The following EPHA6 variants were observed in gnomAD, a reference collection of about 807,000 sequenced individuals.
EPHA6 encodes ephrin type-A receptor 6.
EPHA6 carries 50 observed loss-of-function variants against 112.0 expected under a neutral mutation model. That is an observed-to-expected ratio of 0.45 (90% CI 0.36 to 0.56). The LOEUF is 0.56. Among genes scored for constraint, EPHA6 ranks in the 20% least tolerant of loss-of-function variants. The pLI is 0.00. For missense variants in EPHA6, 1,280 were observed against 1,417.4 expected, an observed-to-expected ratio of 0.90 and a Z score of 1.56; for synonymous variants, 529 against 490.7, an observed-to-expected ratio of 1.08 and a Z score of -1.03.
chr3:97,028,027 A>G (rs2044702561), intron 3 of EPHA6, among the ~76,000 whole-genome samples: 1 of 152,148 alleles, frequency 6.6e-6, no homozygotes, highest in African/African-American at 2.4e-5. Context: ...TGGCACTTTA[A>G]ACAACTTTGG....
At chr3:97,116,769 T>C (rs956891474) in intron 3 of EPHA6, among the ~76,000 whole-genome samples, 1 of 151,742 alleles carries the variant, frequency 6.6e-6, no homozygotes, top group Non-Finnish European at 1.5e-5. Context: ...ATATCTTGGA[T>C]ATTGTGAATA....
intron 5 of EPHA6, among the ~76,000 whole-genome samples, chr3:97,275,888 A>G (rs976687831): frequency 2.0e-5 from 3 of 152,012 alleles, no homozygotes; most frequent in African/African-American, 7.3e-5. Context: ...AAAGGTGGCA[A>G]TGAGGTGTGG....
intron 11 of EPHA6, among the ~76,000 whole-genome samples, chr3:97,535,724 A>C (rs1372064121): frequency 6.6e-6 from 1 of 152,178 alleles, no homozygotes; most frequent in Non-Finnish European, 1.5e-5. Flanking sequence ...TAGGCTTATA[A>C]GGGCATGTTT....
At chr3:97,251,093 C>T (rs1286976415) in intron 5 of EPHA6, among the ~76,000 whole-genome samples, 1 of 151,958 alleles carries the variant, frequency 6.6e-6, no homozygotes, top group Non-Finnish European at 1.5e-5. Flanking sequence ...ATCTTGAACT[C>T]CCGACCTCAT....
Position 97,748,567 on chromosome 3 carries a change from T to C in EPHA6, c.3279-20T>C. The C allele has an allele frequency of 7.8e-7, 1 of 1,287,624 alleles. No homozygotes were observed. The highest frequency in any genetic ancestry group is 1.5e-5 in the African/African-American group (1 of 68,698). The allele number at this position is 1,287,624 out of a possible 1,614,324, so 79.8% of individuals were successfully genotyped here. On this transcript the variant is annotated intron_variant, in intron 17 of 17. Transcript: ENST00000389672. ...TTGCTCTCACTCTCGCTCTCACTCT[T>C]GCTCTCTCCTTTCTTTCAGTGACAT...
intron 6 of EPHA6, 134 bp from the exon 7 acceptor site, chr3:97,448,434 C>A (rs1265848167): frequency 3.3e-6 from 3 of 904,916 alleles, no homozygotes; most frequent in Admixed American, 5.5e-5. Context: ...TTATGGAAAA[C>A]CATGCTAACA....
At chr3:97,262,271 T>C (rs2079528315) in intron 5 of EPHA6, among the ~76,000 whole-genome samples, 1 of 152,124 alleles carries the variant, frequency 6.6e-6, no homozygotes, top group Non-Finnish European at 1.5e-5. Flanking sequence ...TGAAGGAGGA[T>C]ATTGAAACTC....
At chr3:97,180,683 TC>T (rs758740111) in intron 3 of EPHA6, among the ~76,000 whole-genome samples, 38 of 152,042 alleles carry the variant, frequency 2.5e-4, no homozygotes, top group Non-Finnish European at 8.8e-5. Flanking sequence ...GACTCACAAC[TC>T]TGACTGATGC....
intron 5 of EPHA6, among the ~76,000 whole-genome samples, chr3:97,295,559 T>C (rs566835980): frequency 0.017 from 2,580 of 152,100 alleles, 66 homozygotes; most frequent in African/African-American, 0.056. Context: ...TTTGAATTTT[T>C]TTTTTTTTAC....
intron 3 of EPHA6, among the ~76,000 whole-genome samples, chr3:97,132,486 G>C (rs921148056): frequency 1.3e-5 from 2 of 151,966 alleles, no homozygotes; most frequent in Non-Finnish European, 2.9e-5. Context: ...TCCTGTGTTA[G>C]TAAAGTAGAT....
At chr3:97,516,095 G>A (rs1577639406) in intron 10 of EPHA6, among the ~76,000 whole-genome samples, 1 of 152,196 alleles carries the variant, frequency 6.6e-6, no homozygotes, top group East Asian at 1.9e-4. Flanking sequence ...GTGGTTACAA[G>A]GAACTTTTCT....
chr3:97,730,696 T>C (rs1276027592), intron 15 of EPHA6, among the ~76,000 whole-genome samples: 1 of 152,016 alleles, frequency 6.6e-6, no homozygotes, highest in Non-Finnish European at 1.5e-5. Context: ...ACAAAGAAAA[T>C]GTTTATGAAG....
At chr3:97,295,595 A>C (rs2080847643) in intron 5 of EPHA6, among the ~76,000 whole-genome samples, 1 of 149,514 alleles carries the variant, frequency 6.7e-6, no homozygotes, top group African/African-American at 2.5e-5. Context: ...TTTCATTGTA[A>C]TCCTTGTAAA....
intron 10 of EPHA6, among the ~76,000 whole-genome samples, chr3:97,506,825 T>C (rs979365086): frequency 1.3e-5 from 2 of 152,242 alleles, no homozygotes; most frequent in Admixed American, 6.5e-5. Flanking sequence ...TTCCATTTGT[T>C]TGTGTCCTCT....
chr3:97,468,251 G>GA (rs1422396925), intron 7 of EPHA6, among the ~76,000 whole-genome samples: 1 of 151,392 alleles, frequency 6.6e-6, no homozygotes, highest in African/African-American at 2.4e-5. Flanking sequence ...TACTTGAATG[G>GA]AAAAAAGAAA....
intron 11 of EPHA6, among the ~76,000 whole-genome samples, chr3:97,557,756 C>A (rs1577770216): frequency 6.6e-6 from 1 of 151,880 alleles, no homozygotes; most frequent in East Asian, 1.9e-4. Context: ...CATACCTTCA[C>A]ACAGGAGTTT....
At chr3:96,882,910 GAAT>G (rs2037410384) in intron 2 of EPHA6, among the ~76,000 whole-genome samples, 2 of 152,202 alleles carry the variant, frequency 1.3e-5, no homozygotes, top group South Asian at 4.1e-4. Context: ...TATGTTTTTT[GAAT>G]AATGACTTAT....
chr3:97,068,615 C>G lies in EPHA6; in HGVS notation c.1114+80622C>G, dbSNP rs112700199. ...GAGAGTTTTGAGGAACATGTACACA[C>G]TCACACACACACACACACACACGTT... On this transcript the variant is annotated intron_variant, in intron 3 of 17. Coordinates refer to ENST00000389672, the MANE Select transcript of EPHA6 (RefSeq NM_001080448.3). Among the ~76,000 whole-genome samples, 799 of 151,886 alleles carry G rather than the reference C, an allele frequency of 5.3e-3. 6 individuals carry two copies. Among genetic ancestry groups the G allele is most frequent in the African/African-American group, 0.018 (724 of 41,304 alleles).
intron 5 of EPHA6, among the ~76,000 whole-genome samples, chr3:97,316,478 G>C (rs1265187484): frequency 6.6e-6 from 1 of 151,844 alleles, no homozygotes; most frequent in Non-Finnish European, 1.5e-5. Flanking sequence ...TCCAGGGATT[G>C]CTGCGTTTTC....
Sources: allele counts gnomAD v4.1 joint callset (sites outside exome capture counted in the v4.1 genomes callset), GRCh38; gene constraint gnomAD v4.1.1; transcripts MANE v1.5; gene names NCBI Gene and HGNC (gene_info 2026-07-23, HGNC 2026-07-21).